The following MLIP variants were observed in gnomAD, a reference collection of about 807,000 sequenced individuals.
MLIP encodes muscular LMNA interacting protein, also known as muscular LMNA-interacting protein.
A neutral mutation model predicts 84.8 loss-of-function variants in MLIP; 79 were observed. That is an observed-to-expected ratio of 0.93 (90% CI 0.78 to 1.12). The LOEUF is 1.12. Ranked by LOEUF, MLIP falls within the 50% of genes most tolerant of loss-of-function variation. MLIP has a pLI of 0.00. For synonymous variants in MLIP, 504 were observed against 463.0 expected (o/e 1.09, Z -1.14); for missense variants, 1,257 against 1,160.6 (o/e 1.08, Z -1.21).
rs1765087171 is a variant in MLIP, at chr6:54,046,824, T to C, written c.63+27733T>C. ...TTGCTGCTGAGGATAGTCTTGATTG[T>C]CAGACCTTGCAAATTAACTAAAATT... On this transcript the variant is annotated intron_variant, in intron 1 of 12. Transcript: ENST00000274897. 4 of 152,304 alleles carry C rather than the reference T, an allele frequency of 2.6e-5. No individual in the cohort carries two copies. The South Asian group carries it at 8.3e-4, about 32-fold the overall frequency. 9.4% of individuals were successfully genotyped at this position (152,304 alleles called of 1,614,324 possible).
At chr6:54,115,265 G>T (rs573046016) in intron 1 of MLIP, among the ~76,000 whole-genome samples, 1 of 152,276 alleles carries the variant, frequency 6.6e-6, no homozygotes, top group Admixed American at 6.5e-5. Context: ...GGGCTGTAAT[G>T]TACTCAAACA....
At chr6:54,085,915 C>T (rs1376535857) in intron 1 of MLIP, among the ~76,000 whole-genome samples, 3 of 152,182 alleles carry the variant, frequency 2.0e-5, no homozygotes, top group Non-Finnish European at 4.4e-5. Context: ...GCTGAGTCTA[C>T]ATCTGCTGCT....
At chr6:54,234,956 C>CTGAGA (rs1331682108) in intron 12 of MLIP, among the ~76,000 whole-genome samples, 1 of 152,194 alleles carries the variant, frequency 6.6e-6, no homozygotes, top group African/African-American at 2.4e-5. Flanking sequence ...TGCTTCTCCA[C>CTGAGA]TGAGATTCAG....
chr6:54,060,303 T>C (rs1244146059), intron 1 of MLIP, among the ~76,000 whole-genome samples: 2 of 152,234 alleles, frequency 1.3e-5, no homozygotes, highest in African/African-American at 4.8e-5. Flanking sequence ...CATTCCTGAA[T>C]CCTAGTTATT....
At chr6:54,182,746 CA>C (rs1424127587) in intron 9 of MLIP, among the ~76,000 whole-genome samples, 1 of 152,130 alleles carries the variant, frequency 6.6e-6, no homozygotes, top group Non-Finnish European at 1.5e-5. Flanking sequence ...AAATTCATCA[CA>C]TTTATATAAT....
intron 1 of MLIP, among the ~76,000 whole-genome samples, chr6:54,031,035 T>C (rs946965898): frequency 1.3e-5 from 2 of 152,186 alleles, no homozygotes; most frequent in African/African-American, 4.8e-5. Context: ...TTATGCAAAG[T>C]GGAATGCTTC....
At chr6:54,191,090 C>T (rs541901793) in intron 10 of MLIP, among the ~76,000 whole-genome samples, 15 of 151,928 alleles carry the variant, frequency 9.9e-5, no homozygotes, top group Non-Finnish European at 2.2e-4. Context: ...CCATCGCGCC[C>T]GGCCAAAGAT....
At chr6:54,101,325 C>T (rs1263387178) in intron 1 of MLIP, among the ~76,000 whole-genome samples, 2 of 152,074 alleles carry the variant, frequency 1.3e-5, no homozygotes, top group Non-Finnish European at 2.9e-5. Context: ...CAGTCTCATA[C>T]ATTTACTCTA....
chr6:54,047,990 A>G (rs1402989214), intron 1 of MLIP, among the ~76,000 whole-genome samples: 1 of 152,180 alleles, frequency 6.6e-6, no homozygotes, highest in Non-Finnish European at 1.5e-5. Flanking sequence ...AAGGAATTAT[A>G]TAGTAAGTGG....
chr6:54,070,239 T>C (rs1766401813), intron 1 of MLIP, among the ~76,000 whole-genome samples: 1 of 152,194 alleles, frequency 6.6e-6, no homozygotes, highest in East Asian at 1.9e-4. Context: ...TCATTTTTGT[T>C]ATTCTCCTTC....
At chr6:54,044,811 A>AG (rs1223219948) in intron 1 of MLIP, among the ~76,000 whole-genome samples, 1 of 152,210 alleles carries the variant, frequency 6.6e-6, no homozygotes, top group Non-Finnish European at 1.5e-5. Flanking sequence ...GAAAGGACAG[A>AG]GGGAACTAAG....
At chr6:54,087,249 C>T (rs1767558059) in intron 1 of MLIP, among the ~76,000 whole-genome samples, 1 of 152,126 alleles carries the variant, frequency 6.6e-6, no homozygotes, top group African/African-American at 2.4e-5. Context: ...TCTTCTGTGA[C>T]TATGAGCGTA....
chr6:54,226,872 T>C (rs1780612280), intron 11 of MLIP, among the ~76,000 whole-genome samples: 1 of 152,204 alleles, frequency 6.6e-6, no homozygotes, highest in Non-Finnish European at 1.5e-5. Context: ...GGTGACTAAC[T>C]CATCGCAGTT....
chr6:54,119,185 C>T (rs1770220263), intron 1 of MLIP, among the ~76,000 whole-genome samples: 2 of 152,190 alleles, frequency 1.3e-5, no homozygotes, highest in Admixed American at 1.3e-4. Context: ...AATCCCATTA[C>T]TGGGCATATA....
chr6:54,120,036 T>A (rs1465757423), intron 1 of MLIP, among the ~76,000 whole-genome samples: 3 of 152,148 alleles, frequency 2.0e-5, no homozygotes, highest in Non-Finnish European at 4.4e-5. Flanking sequence ...ATAGATATGT[T>A]CAGTTCATTA....
At chr6:54,238,813 T>C (rs984222692) in intron 12 of MLIP, among the ~76,000 whole-genome samples, 9 of 152,158 alleles carry the variant, frequency 5.9e-5, no homozygotes, top group South Asian at 2.1e-4. Context: ...TATTTTTTCT[T>C]TCATTTAAAA....
At chr6:54,155,465 T>G (rs1773924384) in intron 5 of MLIP, among the ~76,000 whole-genome samples, 1 of 152,110 alleles carries the variant, frequency 6.6e-6, no homozygotes, top group Admixed American at 6.6e-5. Context: ...GGAATGAAAT[T>G]TTTGAAATTC....
At chr6:54,129,764 G>A (rs1332516526) in intron 3 of MLIP, among the ~76,000 whole-genome samples, 1 of 152,142 alleles carries the variant, frequency 6.6e-6, no homozygotes, top group Non-Finnish European at 1.5e-5. Context: ...AAGTGTTCAT[G>A]GCCATCAGCT....
intron 11 of MLIP, among the ~76,000 whole-genome samples, chr6:54,221,453 C>T (rs1198628186): frequency 6.6e-6 from 1 of 151,798 alleles, no homozygotes; most frequent in Non-Finnish European, 1.5e-5. Flanking sequence ...CAGGTACCTA[C>T]CACAAATTAA....
Sources: allele counts gnomAD v4.1 joint callset (sites outside exome capture counted in the v4.1 genomes callset), GRCh38; gene constraint gnomAD v4.1.1; transcripts MANE v1.5; gene names NCBI Gene and HGNC (gene_info 2026-07-23, HGNC 2026-07-21).